Variants in PAK2 observed in about 807,000 individuals in gnomAD.
PAK2 encodes the protein p21 (RAC1) activated kinase 2, also known as serine/threonine-protein kinase PAK 2.
Under a neutral mutation model 65.9 loss-of-function variants are expected in PAK2, and 21 were observed. That is an observed-to-expected ratio of 0.32 (90% CI 0.23 to 0.46). The LOEUF (loss-of-function observed/expected upper bound fraction) is 0.46, where lower values mean the gene tolerates loss of function less well. Ranked by LOEUF, PAK2 falls within the 20% of genes least tolerant of loss-of-function variation. The pLI is 1.00. For synonymous variants in PAK2, 204 were observed against 219.7 expected (o/e 0.93, Z 0.63); for missense variants, 324 against 642.6 (o/e 0.50, Z 5.36).
At chr3:196,817,671 T>C (rs1444828314) in intron 11 of PAK2, among the ~76,000 whole-genome samples, 1 of 151,726 alleles carries the variant, frequency 6.6e-6, no homozygotes. Context: ...CTAATTTTTG[T>C]ATTTTTTAGT....
At chr3:196,798,145 G>GA (rs1715314040) in intron 2 of PAK2, among the ~76,000 whole-genome samples, 1 of 152,062 alleles carries the variant, frequency 6.6e-6, no homozygotes, top group Non-Finnish European at 1.5e-5. Flanking sequence ...AAGCAGCAGA[G>GA]AAAATCACTG....
In PAK2 at chr3:196,766,903, T is replaced by A. The variant is rs552864902; in HGVS notation, c.-21-15723T>A. On this transcript the variant is annotated intron_variant, in intron 1 of 14. Transcript: ENST00000327134. ...GGGAAAAAATTATGGTTCTTCCATT[T>A]AAAAAAAAAATAGAAACAAGTACAC... Among the ~76,000 whole-genome samples, 51 of 145,142 alleles carry A rather than the reference T, an allele frequency of 3.5e-4. No individual in the cohort carries two copies. In the South Asian group the frequency reaches 9.4e-3, roughly 27 times the overall value.
intron 2 of PAK2, among the ~76,000 whole-genome samples, chr3:196,800,374 TC>T (rs1317151991): frequency 6.6e-6 from 1 of 152,038 alleles, no homozygotes; most frequent in African/African-American, 2.4e-5. Flanking sequence ...AGAATGAGAC[TC>T]CCTGTTAAAA....
chr3:196,763,808 A>G (rs1275469937), intron 1 of PAK2, among the ~76,000 whole-genome samples: 1 of 152,104 alleles, frequency 6.6e-6, no homozygotes, highest in South Asian at 2.1e-4. Flanking sequence ...ATTGCTTGAT[A>G]AAAGGTGTCT....
At chr3:196,779,871 A>T (rs2108737241) in intron 1 of PAK2, among the ~76,000 whole-genome samples, 1 of 152,274 alleles carries the variant, frequency 6.6e-6, no homozygotes, top group South Asian at 2.1e-4. Context: ...GGGTTTTACC[A>T]TGTTGCCCAA....
At chr3:196,741,922 G>A (rs780021095) in intron 1 of PAK2, among the ~76,000 whole-genome samples, 1 of 152,022 alleles carries the variant, frequency 6.6e-6, no homozygotes, top group Non-Finnish European at 1.5e-5. Context: ...TAGGGCCTTG[G>A]TTTATGGTTT....
rs554668931 is a variant in PAK2 at position 196,743,522 on chromosome 3, T to C, written c.-22+3365T>C. On this transcript the variant is annotated intron_variant, in intron 1 of 14. Transcript: ENST00000327134. ...TAGTTAATAGTCTGTTCTTACATGC[T>C]GTAGAGTCGATACTCCTAAACTTAG... is the stretch of plus-strand genomic sequence containing the variant. Among the ~76,000 whole-genome samples the C allele has an allele frequency of 2.0e-5, 3 of 152,288 alleles. No homozygotes were observed. In the East Asian group the frequency reaches 5.8e-4, roughly 29 times the overall value.
intron 1 of PAK2, among the ~76,000 whole-genome samples, chr3:196,744,404 T>C (rs769115095): frequency 3.3e-5 from 5 of 150,834 alleles, no homozygotes; most frequent in Admixed American, 6.6e-5. Context: ...AACAAGTCAA[T>C]TAAATATTTA....
intron 1 of PAK2, among the ~76,000 whole-genome samples, 187 bp from the exon 2 acceptor site, chr3:196,782,439 A>T (rs1714743983): frequency 6.6e-6 from 1 of 152,130 alleles, no homozygotes. Flanking sequence ...GACCATTACC[A>T]GCTTTGTTGG....
intron 8 of PAK2, 23 bp from the exon 9 acceptor site, chr3:196,812,196 G>C: frequency 7.0e-7 from 1 of 1,424,184 alleles, no homozygotes; most frequent in Non-Finnish European, 9.9e-7. Context: ...CCTTAAATCT[G>C]GTTGTGTGTT....
At chr3:196,808,046 A>T (rs1715642416) in intron 7 of PAK2, 132 bp downstream of exon 7, 2 of 782,712 alleles carry the variant, frequency 2.6e-6, no homozygotes, top group South Asian at 1.9e-5. Context: ...TTATAGCAAC[A>T]GTAGCTTCAA....
chr3:196,748,965 A>G (rs1244888318), intron 1 of PAK2, among the ~76,000 whole-genome samples: 3 of 152,152 alleles, frequency 2.0e-5, no homozygotes, highest in African/African-American at 7.2e-5. Flanking sequence ...TTCTGTCTGC[A>G]TGATTTTGGC....
At chr3:196,776,860 G>T (rs1397997630) in intron 1 of PAK2, among the ~76,000 whole-genome samples, 1 of 152,178 alleles carries the variant, frequency 6.6e-6, no homozygotes, top group African/African-American at 2.4e-5. Flanking sequence ...CTTTTAGGAA[G>T]GTCAGGTTTA....
At chr3:196,805,150 A>G (rs1368739924) in intron 4 of PAK2, among the ~76,000 whole-genome samples, 1 of 152,084 alleles carries the variant, frequency 6.6e-6, no homozygotes, top group African/African-American at 2.4e-5. Context: ...CTAAATTTAT[A>G]GTTTCATGTA....
intron 3 of PAK2, among the ~76,000 whole-genome samples, chr3:196,802,460 T>C (rs569963607): frequency 6.6e-6 from 1 of 152,316 alleles, no homozygotes; most frequent in South Asian, 2.1e-4. Flanking sequence ...TACTGCTTTT[T>C]GCTTTTTATA....
intron 7 of PAK2, among the ~76,000 whole-genome samples, chr3:196,808,663 G>C (rs1715670846): frequency 6.6e-6 from 1 of 151,238 alleles, no homozygotes; most frequent in Non-Finnish European, 1.5e-5. Flanking sequence ...TCAGGAGCAA[G>C]ACTAGCCTGG....
chr3:196,758,043 C>T (rs1364864672), intron 1 of PAK2, among the ~76,000 whole-genome samples: 1 of 152,212 alleles, frequency 6.6e-6, no homozygotes, highest in East Asian at 1.9e-4. Flanking sequence ...CCCTTTAATT[C>T]TGATGCTGTC....
intron 2 of PAK2, among the ~76,000 whole-genome samples, chr3:196,783,171 A>C (rs1237283318): frequency 6.6e-6 from 1 of 152,152 alleles, no homozygotes; most frequent in Non-Finnish European, 1.5e-5. Context: ...CCCCTGTCTG[A>C]AATCCCTGGA....
At chr3:196,818,022 A>G (rs1374757688) in intron 11 of PAK2, 35 bp from the exon 12 acceptor site, 1 of 865,606 alleles carries the variant, frequency 1.2e-6, no homozygotes, top group East Asian at 2.4e-5. Flanking sequence ...CTTTTCAGGG[A>G]CTATTTCATT....
Sources: allele counts gnomAD v4.1 joint callset (sites outside exome capture counted in the v4.1 genomes callset), GRCh38; gene constraint gnomAD v4.1.1; transcripts MANE v1.5; gene names NCBI Gene and HGNC (gene_info 2026-07-23, HGNC 2026-07-21).